The following PCDH7 variants were observed in gnomAD, a reference collection of about 807,000 sequenced individuals.
PCDH7 encodes the protein protocadherin 7.
Under a neutral mutation model 58.9 loss-of-function variants are expected in PCDH7, and 17 were observed. The ratio of observed to expected loss-of-function variants is 0.29; its 90% CI spans 0.20 to 0.43. The LOEUF (loss-of-function observed/expected upper bound fraction) is 0.43. Ranked by LOEUF, PCDH7 falls within the 20% of genes least tolerant of loss-of-function variation. The pLI is 1.00. For missense variants in PCDH7, 1,274 were observed against 1,441.0 expected (o/e 0.88, Z 1.88); for synonymous variants, 664 against 616.4 (o/e 1.08, Z -1.14).
intron 3 of PCDH7, among the ~76,000 whole-genome samples, chr4:30,996,217 A>G (rs1449538697): frequency 1.3e-5 from 2 of 152,120 alleles, no homozygotes; most frequent in Admixed American, 6.6e-5. Context: ...CATGCTGACT[A>G]TCTCACCCAA....
chr4:31,051,055 A>G (rs1756694747), intron 3 of PCDH7, among the ~76,000 whole-genome samples: 1 of 152,074 alleles, frequency 6.6e-6, no homozygotes, highest in South Asian at 2.1e-4. Context: ...TAATTTAACT[A>G]TTTCACTATT....
chr4:30,834,989 T>C (rs1468345543), intron 1 of PCDH7, among the ~76,000 whole-genome samples: 2 of 151,932 alleles, frequency 1.3e-5, no homozygotes, highest in Non-Finnish European at 2.9e-5. Context: ...TACATGTGTA[T>C]GCAATAAAGT....
At chr4:30,982,329 G>A (rs1367341003) in intron 3 of PCDH7, among the ~76,000 whole-genome samples, 1 of 152,108 alleles carries the variant, frequency 6.6e-6, no homozygotes, top group Non-Finnish European at 1.5e-5. Flanking sequence ...TTCTCCTTGA[G>A]GAGTCTTCAC....
intron 1 of PCDH7, among the ~76,000 whole-genome samples, chr4:30,741,319 T>C (rs1717044984): frequency 6.6e-6 from 1 of 151,126 alleles, no homozygotes; most frequent in Non-Finnish European, 1.5e-5. Flanking sequence ...GCCTCCCAAA[T>C]AACTGGTGCT....
At chr4:31,048,840 A>G (rs971670963) in intron 3 of PCDH7, among the ~76,000 whole-genome samples, 2 of 152,144 alleles carry the variant, frequency 1.3e-5, no homozygotes, top group African/African-American at 4.8e-5. Flanking sequence ...TCTGGAAAGA[A>G]CATTATATGA....
At chr4:30,724,895 T>G in intron 1 of PCDH7, 1 of 1,171,860 alleles carries the variant, frequency 8.5e-7, no homozygotes, top group East Asian at 4.3e-5. Context: ...ATTTTTTTGT[T>G]TCCAGAATAA....
chr4:31,004,008 C>T (rs1752566012), intron 3 of PCDH7, among the ~76,000 whole-genome samples: 1 of 152,014 alleles, frequency 6.6e-6, no homozygotes, highest in Non-Finnish European at 1.5e-5. Flanking sequence ...GTCATTCTCC[C>T]CACAATCTTT....
chr4:30,765,229 G>A lies in PCDH7; in HGVS notation c.70+40633G>A, dbSNP rs1337710086. Reference sequence around the variant, plus strand: ...ATTGTTCCTGAAAACGACCTCGAAAGATTAAGTTATGATATAAGATAACTA... The same window carrying A: ...ATTGTTCCTGAAAACGACCTCGAAAAATTAAGTTATGATATAAGATAACTA... On this transcript the variant is annotated intron_variant, in intron 1 of 3. Transcript: ENST00000509759. Among the ~76,000 whole-genome samples, 8 of 137,298 alleles carry A rather than the reference G, an allele frequency of 5.8e-5. 1 individual carries two copies. In the Admixed American group the frequency reaches 5.8e-4, roughly 10 times the overall value. 90.1% of individuals were successfully genotyped at this position (137,298 alleles called of 152,430 possible).
intron 2 of PCDH7, among the ~76,000 whole-genome samples, chr4:30,949,603 A>AT (rs898247883): frequency 3.3e-5 from 5 of 152,066 alleles, no homozygotes; most frequent in East Asian, 1.9e-4. Flanking sequence ...TGTTAAATTA[A>AT]TTTTTTTTAT....
intron 2 of PCDH7, chr4:30,950,003 A>C (rs541196359): frequency 6.6e-6 from 1 of 152,666 alleles, no homozygotes; most frequent in African/African-American, 2.4e-5. Flanking sequence ...TTTTTAAAGA[A>C]AGCAAACAAA....
At chr4:31,091,801 C>T (rs1713289423) in intron 3 of PCDH7, among the ~76,000 whole-genome samples, 1 of 151,882 alleles carries the variant, frequency 6.6e-6, no homozygotes, top group African/African-American at 2.4e-5. Context: ...TTCCACTTAA[C>T]TCAAGAATTT....
intron 1 of PCDH7, among the ~76,000 whole-genome samples, chr4:30,871,074 T>C (rs959643213): frequency 6.6e-6 from 1 of 152,134 alleles, no homozygotes; most frequent in Non-Finnish European, 1.5e-5. Context: ...ACATTGGTGA[T>C]GCCCTTCTTC....
intron 3 of PCDH7, among the ~76,000 whole-genome samples, chr4:31,020,669 G>T (rs1578578943): frequency 6.6e-6 from 1 of 152,276 alleles, no homozygotes; most frequent in East Asian, 1.9e-4. Flanking sequence ...TAAACACTTT[G>T]TCTTCTATAA....
intron 2 of PCDH7, among the ~76,000 whole-genome samples, chr4:30,932,789 G>T (rs1475694830): frequency 1.3e-5 from 2 of 152,080 alleles, no homozygotes; most frequent in African/African-American, 4.8e-5. Flanking sequence ...CCTCAGAATT[G>T]TACAGAGCCA....
intron 1 of PCDH7, among the ~76,000 whole-genome samples, chr4:30,908,159 G>A: frequency 6.6e-6 from 1 of 151,452 alleles, no homozygotes; most frequent in East Asian, 2.0e-4. Context: ...CGAGTTGATG[G>A]GTGCAGCAAA....
downstream of PCDH7, among the ~76,000 whole-genome samples, chr4:30,734,236 CT>C (rs201383285): frequency 0.16 from 23,052 of 143,880 alleles, 1,898 homozygotes; most frequent in East Asian, 0.31. Flanking sequence ...AATTTTCTAT[CT>C]TTTTTTTTTT....
chr4:31,106,925 A>C (rs2109306607), intron 3 of PCDH7, among the ~76,000 whole-genome samples: 1 of 152,290 alleles, frequency 6.6e-6, no homozygotes, highest in South Asian at 2.1e-4. Context: ...CTTTCCTAAT[A>C]ATCCATTATG....
chr4:30,798,048 G>A (rs1026120957), intron 1 of PCDH7, among the ~76,000 whole-genome samples: 2 of 152,222 alleles, frequency 1.3e-5, no homozygotes, highest in African/African-American at 2.4e-5. Context: ...CAAGATAAAT[G>A]TGTTACCCAT....
At chr4:30,892,015 C>T (rs552399501) in intron 1 of PCDH7, among the ~76,000 whole-genome samples, 6 of 151,834 alleles carry the variant, frequency 4.0e-5, no homozygotes, top group African/African-American at 7.2e-5. Flanking sequence ...ATATGTTAAT[C>T]GCCTTGTATA....
Sources: allele counts gnomAD v4.1 joint callset (sites outside exome capture counted in the v4.1 genomes callset), GRCh38; gene constraint gnomAD v4.1.1; transcripts MANE v1.5; gene names NCBI Gene and HGNC (gene_info 2026-07-23, HGNC 2026-07-21).